SMG7: variants seen among roughly 807,000 people sequenced by gnomAD.
SMG7 encodes SMG7 nonsense mediated mRNA decay factor.
SMG7 carries 34 observed loss-of-function variants against 148.2 expected under a neutral mutation model. The observed-to-expected ratio is 0.23, with a 90% CI of 0.17 to 0.31. The LOEUF (loss-of-function observed/expected upper bound fraction) is 0.31, where lower values mean the gene tolerates loss of function less well. Among genes scored for constraint, SMG7 ranks in the 10% least tolerant of loss-of-function variants. SMG7 has a pLI of 1.00. For synonymous variants in SMG7, 492 were observed against 515.1 expected, an observed-to-expected ratio of 0.96 and a Z score of 0.61; for missense variants, 1,114 against 1,408.4, an observed-to-expected ratio of 0.79 and a Z score of 3.35.
In SMG7 at chr1:183,515,895, A is replaced by G. The variant is rs755901679; in HGVS notation, c.83A>G (p.Glu28Gly). 7.4e-6 allele frequency: 12 copies of G among 1,611,952 alleles called. No individual in the cohort carries two copies. The Admixed American group carries it at 1.7e-4, about 22-fold the overall frequency. Reference sequence around the variant, plus strand: ...TCAGATTCTAAGCTGGGTCCAGCTGAAGTCTGGACATCCAGGCAGGCTCTG... The same window carrying G: ...TCAGATTCTAAGCTGGGTCCAGCTGGAGTCTGGACATCCAGGCAGGCTCTG... ...DMTDSKLGPA[E>G]VWTSRQALQD... The change falls in exon 3 of 23, where the codon GAA (glutamate) becomes GGA (glycine). Residue 28 changes from glutamate (E) to glycine (G), a missense_variant. Coordinates refer to ENST00000688051, the MANE Select transcript of SMG7 (RefSeq NM_001375584.1).
chr1:183,544,850 ACC>A, intron 15 of SMG7, 78 bp from the exon 16 acceptor site: 2 of 1,420,566 alleles, frequency 1.4e-6, no homozygotes, highest in South Asian at 2.6e-5. Flanking sequence ...CCCTCTACCT[ACC>A]TGTTAAAAAA....
At chr1:183,510,802 A>G (rs763940286) in intron 1 of SMG7, among the ~76,000 whole-genome samples, 17 of 152,010 alleles carry the variant, frequency 1.1e-4, no homozygotes, top group Non-Finnish European at 5.9e-5. Context: ...ATATAAAACA[A>G]TATTTACAGT....
chr1:183,502,067 A>G (rs990995690), intron 1 of SMG7, among the ~76,000 whole-genome samples: 6 of 152,224 alleles, frequency 3.9e-5, no homozygotes, highest in Non-Finnish European at 8.8e-5. Context: ...AATCTGTTAG[A>G]AATATATGAG....
intron 1 of SMG7, among the ~76,000 whole-genome samples, chr1:183,477,419 T>TATATATACATATATAC (rs1652542797): frequency 6.6e-6 from 1 of 151,822 alleles, no homozygotes; most frequent in Non-Finnish European, 1.5e-5. Context: ...TGTGTGTGTG[T>TATATATACATATATAC]ATGTGTGCAT....
chr1:183,495,909 T>C (rs2102263217), intron 1 of SMG7, among the ~76,000 whole-genome samples: 1 of 150,798 alleles, frequency 6.6e-6, no homozygotes, highest in East Asian at 1.9e-4. Context: ...TCATAAGCAA[T>C]GAGATATTTA....
intron 18 of SMG7, chr1:183,548,981 A>G: frequency 1.8e-6 from 1 of 547,448 alleles, no homozygotes; most frequent in Non-Finnish European, 3.2e-6. Flanking sequence ...CCAGAATATA[A>G]TCTCTGACTA....
At chr1:183,549,508 G>A (rs1186537721) in intron 19 of SMG7, among the ~76,000 whole-genome samples, 1 of 152,028 alleles carries the variant, frequency 6.6e-6, no homozygotes, top group Non-Finnish European at 1.5e-5. Flanking sequence ...AAACCCTTAG[G>A]GCTCTCTTTT....
chr1:183,545,372 T>G, intron 16 of SMG7, 60 bp downstream of exon 16: 1 of 1,541,130 alleles, frequency 6.5e-7, no homozygotes, highest in Non-Finnish European at 8.8e-7. Context: ...GCTGAAAGAT[T>G]CAATGTTAGA....
Position 183,472,666 on chromosome 1 carries a change from G to A in SMG7, c.29+17G>A, listed in dbSNP as rs932443826. The A allele has an allele frequency of 2.7e-6, 4 of 1,467,122 alleles. No individual in the cohort carries two copies. Among genetic ancestry groups the A allele is most frequent in the South Asian group, 2.7e-5 (2 of 75,104 alleles). 90.9% of individuals were successfully genotyped at this position (1,467,122 alleles called of 1,614,324 possible). A position where few individuals can be genotyped will look rare whatever the true frequency, so the allele number is the denominator to read the frequency against. On this transcript the variant is annotated intron_variant, in intron 1 of 22. Coordinates refer to ENST00000688051, the MANE Select transcript of SMG7 (RefSeq NM_001375584.1). ...GTACCTCCGGTGAGTGCCGAGGCCG[G>A]GCTGGTACGTAGGGGGAGCGGGCCG...
intron 1 of SMG7, among the ~76,000 whole-genome samples, chr1:183,506,809 C>T (rs2102370170): frequency 6.6e-6 from 1 of 151,810 alleles, no homozygotes; most frequent in South Asian, 2.1e-4. Context: ...AAGGAATCTC[C>T]CATTTTATGT....
chr1:183,553,379 C>T lies in SMG7; in HGVS notation c.*1448C>T. 1 of 689,724 alleles carries T rather than the reference C, an allele frequency of 1.4e-6. No individual in the cohort carries two copies. Among genetic ancestry groups the T allele is most frequent in the Non-Finnish European group, 2.4e-6 (1 of 425,320 alleles). 42.7% of individuals were successfully genotyped at this position (689,724 alleles called of 1,614,324 possible). A position where few individuals can be genotyped will look rare whatever the true frequency, so the allele number is the denominator to read the frequency against. ...TGGTAGGGTTTATTTTCTGGGAGGT[C>T]TCTCCTTTGTGTGTCTGTATGTTTG... On this transcript the variant is annotated 3_prime_UTR_variant, in exon 23 of 23. Transcript: ENST00000688051.
At chr1:183,503,843 C>T (rs895857938) in intron 1 of SMG7, among the ~76,000 whole-genome samples, 2 of 152,176 alleles carry the variant, frequency 1.3e-5, no homozygotes, top group African/African-American at 2.4e-5. Flanking sequence ...GATGAGGAAA[C>T]AGTCTTCTTA....
chr1:183,513,465 T>C lies in SMG7; in HGVS notation c.61+597T>C, dbSNP rs182852676. ...CGGCTCACTGTAACCTCCGCCTCCCTGGTTCAAGCGATTCTCCTGCCTCAG... is the reference window on the plus strand; with the variant it reads ...CGGCTCACTGTAACCTCCGCCTCCCCGGTTCAAGCGATTCTCCTGCCTCAG... On this transcript the variant is annotated intron_variant, in intron 2 of 22. Transcript: ENST00000688051. The C allele has an allele frequency of 3.8e-3, 568 of 149,592 alleles. 15 individuals are homozygous for C. The highest frequency in any genetic ancestry group is 0.036 in the Admixed American group (521 of 14,632). 9.3% of individuals were successfully genotyped at this position (149,592 alleles called of 1,614,324 possible). A position where few individuals can be genotyped will look rare whatever the true frequency, so the allele number is the denominator to read the frequency against.
intron 12 of SMG7, among the ~76,000 whole-genome samples, chr1:183,539,267 A>G (rs1668358535): frequency 6.6e-6 from 1 of 152,154 alleles, no homozygotes. Context: ...TCCAGTGACT[A>G]TAGTCTTTAT....
chr1:183,473,346 G>C (rs141648342), intron 1 of SMG7, among the ~76,000 whole-genome samples: 235 of 152,178 alleles, frequency 1.5e-3, no homozygotes, highest in African/African-American at 5.4e-3. Context: ...ACCATTCTGA[G>C]AGTCGTGTGT....
At chr1:183,526,482 G>A in intron 4 of SMG7, 114 bp from the exon 5 acceptor site, 1 of 661,212 alleles carries the variant, frequency 1.5e-6, no homozygotes, top group Non-Finnish European at 2.5e-6. Flanking sequence ...TTTTCATGCA[G>A]TTTTTGTTCA....
chr1:183,485,471 CT>C (rs1345501986), intron 1 of SMG7, among the ~76,000 whole-genome samples: 12 of 152,092 alleles, frequency 7.9e-5, no homozygotes, highest in African/African-American at 2.9e-4. Context: ...ATTTAGATTG[CT>C]TTATCTTACT....
At chr1:183,540,252 C>T (rs1668575158) in intron 12 of SMG7, among the ~76,000 whole-genome samples, 1 of 152,138 alleles carries the variant, frequency 6.6e-6, no homozygotes, top group African/African-American at 2.4e-5. Context: ...TTCAGAGCTT[C>T]TCAGAAGGAA....
At position 183,542,401 on chromosome 1, in the gene SMG7, A is replaced by G. The variant is rs761365274; in HGVS notation, c.1741A>G (p.Lys581Glu). Residue 581 changes from lysine (K) to glutamate (E), a missense_variant, in exon 14 of 23, where the codon AAG (lysine) becomes GAG (glutamate). Lys to Glu is a moderately conservative substitution (Grantham distance 56, BLOSUM62 1). Around this residue, in one of 4 missense-constraint regions of SMG7, gnomAD observed 788 missense variants for 894.5 expected, o/e 0.88. Transcript: ENST00000688051. ...CTATAGCAAAGGAATAACTGTAACTAAGAATGATGGAAAGAAGGACAACAA... is the reference window on the plus strand; with the variant it reads ...CTATAGCAAAGGAATAACTGTAACTGAGAATGATGGAAAGAAGGACAACAA... ...RDYSKGITVT[K>E]NDGKKDNNKR... The G allele has an allele frequency of 9.3e-6, 15 of 1,614,044 alleles. No homozygotes were observed. The highest frequency in any genetic ancestry group is 1.1e-5 in the Non-Finnish European group (13 of 1,179,936).
Sources: allele counts gnomAD v4.1 joint callset (sites outside exome capture counted in the v4.1 genomes callset), GRCh38; gene constraint gnomAD v4.1.1; regional missense constraint gnomAD v4.1.1; transcripts MANE v1.5; gene names NCBI Gene and HGNC (gene_info 2026-07-23, HGNC 2026-07-21).